Variants in RBMS1 observed in about 807,000 individuals in gnomAD.
RBMS1 encodes the protein RNA binding motif single stranded interacting protein 1.
A neutral mutation model predicts 62.3 loss-of-function variants in RBMS1; 17 were observed. The ratio of observed to expected loss-of-function variants is 0.27; its 90% CI spans 0.19 to 0.41. The LOEUF (loss-of-function observed/expected upper bound fraction) is 0.41. Among genes scored for constraint, RBMS1 ranks in the 10% least tolerant of loss-of-function variants. RBMS1 has a pLI of 1.00. For synonymous variants in RBMS1, 172 were observed against 170.0 expected (o/e 1.01, Z -0.09); for missense variants, 334 against 504.5 (o/e 0.66, Z 3.24).
In RBMS1 at chr2:160,344,280, A is replaced by G. The variant is rs183037998; in HGVS notation, c.251+22936T>C. The stretch of plus-strand genomic sequence containing the variant: ...AACTTGTAAGCAGCAACTGGGGGGA[A>G]CAGCAGGTATTACTAAGAAAGACAG... On this transcript the variant is annotated intron_variant, in intron 2 of 13. Transcript: ENST00000348849. Among the ~76,000 whole-genome samples, 35 of 152,310 alleles carry G rather than the reference A, an allele frequency of 2.3e-4. 2 individuals carry two copies. The Middle Eastern group carries it at 0.024, about 104-fold the overall frequency.
At position 160,492,106 on chromosome 2, in the gene RBMS1, C is replaced by T. The variant is rs568004547; in HGVS notation, c.75+1183G>A. Among the ~76,000 whole-genome samples, 259 of 152,248 alleles carry T rather than the reference C, an allele frequency of 1.7e-3. 3 individuals carry two copies. The highest frequency in any genetic ancestry group is 7.3e-3 in the Admixed American group (112 of 15,298). On this transcript the variant is annotated intron_variant, in intron 1 of 13. Coordinates refer to ENST00000348849, the MANE Select transcript of RBMS1 (RefSeq NM_016836.4). ...GATTCTTTGTACCAGGCCGGAAATG[C>T]CCAACTACCAGCAAGCAGAGCATGA...
intron 1 of RBMS1, among the ~76,000 whole-genome samples, chr2:160,410,804 C>T (rs916256789): frequency 7.9e-5 from 12 of 152,132 alleles, no homozygotes; most frequent in Admixed American, 2.6e-4. Context: ...AGTGCAGTGG[C>T]GCGATCTCAG....
intron 1 of RBMS1, among the ~76,000 whole-genome samples, chr2:160,410,963 C>T (rs1205726699): frequency 2.0e-5 from 3 of 152,146 alleles, no homozygotes; most frequent in Admixed American, 6.5e-5. Context: ...AGGATGGTCT[C>T]GATCTCTTGA....
At chr2:160,293,961 C>A (rs1407313816) in intron 6 of RBMS1, among the ~76,000 whole-genome samples, 1 of 152,222 alleles carries the variant, frequency 6.6e-6, no homozygotes, top group East Asian at 1.9e-4. Flanking sequence ...AAACTGCCAC[C>A]ATACTATTTC....
At position 160,324,355 on chromosome 2, in the gene RBMS1, C is replaced by T. The variant is rs547117810; in HGVS notation, c.252-6128G>A. 7.9e-5 allele frequency among the ~76,000 whole-genome samples: 12 copies of T among 152,298 alleles called. No homozygotes were observed. The South Asian group carries it at 2.5e-3, about 32-fold the overall frequency. Reference sequence around the variant, plus strand: ...AGCCAAAGCTCTGGAGAGTGGCGTCCACTCCAACCACCACCAACAGATGGC... The same window carrying T: ...AGCCAAAGCTCTGGAGAGTGGCGTCTACTCCAACCACCACCAACAGATGGC... On this transcript the variant is annotated intron_variant, in intron 2 of 13. Coordinates refer to ENST00000348849, the MANE Select transcript of RBMS1 (RefSeq NM_016836.4).
chr2:160,455,238 T>C (rs1383418261), intron 1 of RBMS1, among the ~76,000 whole-genome samples: 2 of 152,256 alleles, frequency 1.3e-5, no homozygotes, highest in Admixed American at 1.3e-4. Flanking sequence ...GAGCTGATGC[T>C]TTATAAATGG....
chr2:160,337,135 CTT>C (rs768216149), intron 2 of RBMS1, among the ~76,000 whole-genome samples: 12 of 136,350 alleles, frequency 8.8e-5, no homozygotes, highest in Middle Eastern at 3.6e-3. Context: ...TTTTTCTTTT[CTT>C]TTTTTTTTTT....
chr2:160,493,174 C>A, intron 1 of RBMS1, 115 bp downstream of exon 1: 3 of 1,040,086 alleles, frequency 2.9e-6, no homozygotes, highest in South Asian at 1.5e-5. Flanking sequence ...AACCTTCCAG[C>A]AACTCCGCCC....
At chr2:160,394,538 A>G (rs1695034056) in intron 1 of RBMS1, among the ~76,000 whole-genome samples, 2 of 152,204 alleles carry the variant, frequency 1.3e-5, no homozygotes, top group South Asian at 4.1e-4. Flanking sequence ...AGCTTTCTTG[A>G]CTTTGTAAAT....
intron 1 of RBMS1, among the ~76,000 whole-genome samples, chr2:160,460,807 C>G (rs543474941): frequency 2.0e-5 from 3 of 152,280 alleles, no homozygotes; most frequent in African/African-American, 7.2e-5. Context: ...GTGTTTTCTC[C>G]CCAGTCCCTA....
In RBMS1 at chr2:160,291,109, C is replaced by CA. The variant is rs949759548; in HGVS notation, c.641-4026dup. 9.2e-5 allele frequency among the ~76,000 whole-genome samples: 14 copies of CA among 152,318 alleles called. No individual in the cohort carries two copies. The South Asian group carries it at 1.5e-3, about 16-fold the overall frequency. ...AGATCTGCAAGTCCTCCTCACTTAT[C>CA]AAACAGCTTGGAAGGACTTGGAGCT... is the stretch of plus-strand genomic sequence containing the variant. On this transcript the variant is annotated intron_variant, in intron 6 of 13. Transcript: ENST00000348849.
At chr2:160,486,938 C>A (rs1355148277) in intron 1 of RBMS1, among the ~76,000 whole-genome samples, 1 of 152,178 alleles carries the variant, frequency 6.6e-6, no homozygotes, top group East Asian at 1.9e-4. Flanking sequence ...TTCTGTATAA[C>A]CACTATGCCA....
At chr2:160,481,785 T>C (rs1255441542) in intron 1 of RBMS1, among the ~76,000 whole-genome samples, 1 of 152,104 alleles carries the variant, frequency 6.6e-6, no homozygotes, top group Non-Finnish European at 1.5e-5. Flanking sequence ...ATCAGGAAAA[T>C]GCAAATTAAA....
intron 1 of RBMS1, among the ~76,000 whole-genome samples, chr2:160,463,575 A>G (rs1288447623): frequency 6.6e-6 from 1 of 152,206 alleles, no homozygotes; most frequent in African/African-American, 2.4e-5. Flanking sequence ...ATCTGAGGTC[A>G]GGAGTTCGAG....
At chr2:160,330,819 T>G (rs962169346) in intron 2 of RBMS1, among the ~76,000 whole-genome samples, 2 of 152,164 alleles carry the variant, frequency 1.3e-5, no homozygotes, top group Non-Finnish European at 2.9e-5. Flanking sequence ...GGAAGTCCTA[T>G]GCCCCAAGAC....
intron 1 of RBMS1, among the ~76,000 whole-genome samples, chr2:160,418,371 T>C (rs1291050874): frequency 6.6e-6 from 1 of 152,174 alleles, no homozygotes; most frequent in Non-Finnish European, 1.5e-5. Context: ...TCTTAGTCTT[T>C]CTGGGTCTTC....
chr2:160,439,879 C>G (rs1034567669), intron 1 of RBMS1, among the ~76,000 whole-genome samples: 3 of 152,100 alleles, frequency 2.0e-5, no homozygotes, highest in Non-Finnish European at 4.4e-5. Flanking sequence ...ACAGCGAAAC[C>G]CCGTCTCCAC....
intron 2 of RBMS1, among the ~76,000 whole-genome samples, chr2:160,359,971 C>T (rs959390036): frequency 3.3e-5 from 5 of 152,104 alleles, no homozygotes; most frequent in African/African-American, 1.2e-4. Flanking sequence ...TTTTAAATCC[C>T]AGCTACTTGG....
intron 1 of RBMS1, among the ~76,000 whole-genome samples, chr2:160,468,328 A>T (rs969057047): frequency 6.6e-6 from 1 of 152,174 alleles, no homozygotes; most frequent in South Asian, 2.1e-4. Context: ...CTCATTAACA[A>T]TATCTCTGAG....
Sources: gnomAD v4.1 joint callset for allele counts (sites outside exome capture counted in the v4.1 genomes callset) on GRCh38, gnomAD v4.1.1 for gene constraint, MANE v1.5 for transcripts, NCBI Gene and HGNC (gene_info 2026-07-23, HGNC 2026-07-21) for gene names.